MAGI2: variants seen among roughly 807,000 people sequenced by gnomAD.
The protein encoded by MAGI2 is membrane associated guanylate kinase, WW and PDZ domain containing 2, also known as membrane-associated guanylate kinase, WW and PDZ domain-containing protein 2.
In MAGI2, 35 loss-of-function variants were observed where a neutral mutation model predicts 133.3. The observed-to-expected ratio is 0.26, with a 90% CI of 0.20 to 0.35. MAGI2 has a LOEUF of 0.35. MAGI2 is among the 10% of genes least tolerant of loss of function. The pLI is 1.00. For synonymous variants in MAGI2, 729 were observed against 710.6 expected (o/e 1.03, Z -0.41); for missense variants, 1,636 against 1,863.4 (o/e 0.88, Z 2.25).
intron 1 of MAGI2, among the ~76,000 whole-genome samples, chr7:79,238,032 TG>T (rs754481827): frequency 2.0e-5 from 3 of 152,176 alleles, no homozygotes; most frequent in Non-Finnish European, 2.9e-5. Context: ...AACTAATAGG[TG>T]CTCTTGAAAT....
chr7:78,807,645 T>C (rs934196126), intron 2 of MAGI2, among the ~76,000 whole-genome samples: 3 of 152,180 alleles, frequency 2.0e-5, no homozygotes, highest in Non-Finnish European at 4.4e-5. Context: ...TCCTCATTAG[T>C]CTTATTTTTG....
intron 20 of MAGI2, among the ~76,000 whole-genome samples, chr7:78,091,026 G>A (rs1315388886): frequency 1.3e-5 from 2 of 149,352 alleles, no homozygotes; most frequent in East Asian, 1.9e-4. Flanking sequence ...TTTTAACATC[G>A]TAGTGACTGA....
chr7:78,696,897 A>G (rs1817570732), intron 2 of MAGI2, among the ~76,000 whole-genome samples: 1 of 152,204 alleles, frequency 6.6e-6, no homozygotes, highest in Admixed American at 6.5e-5. Flanking sequence ...GACATGATAC[A>G]TGGGAGAACA....
intron 2 of MAGI2, among the ~76,000 whole-genome samples, chr7:78,665,924 T>G (rs1292859599): frequency 6.6e-6 from 1 of 152,160 alleles, no homozygotes; most frequent in Non-Finnish European, 1.5e-5. Context: ...TGAGAAATAC[T>G]GACAATTAAC....
intron 6 of MAGI2, among the ~76,000 whole-genome samples, chr7:78,380,142 A>AACAC (rs3061267): frequency 4.4e-4 from 65 of 149,160 alleles, no homozygotes; most frequent in East Asian, 7.9e-4. Flanking sequence ...CTCTAGGGAC[A>AACAC]ACACACACAC....
intron 12 of MAGI2, among the ~76,000 whole-genome samples, chr7:78,187,386 TGAAAGGC>T (rs1372049361): frequency 6.6e-6 from 1 of 152,160 alleles, no homozygotes; most frequent in Non-Finnish European, 1.5e-5. Flanking sequence ...CTTACAGTTT[TGAAAGGC>T]AGAGAATAAG....
intron 6 of MAGI2, chr7:78,484,428 T>C (rs1792757280): frequency 1.3e-5 from 2 of 151,104 alleles, no homozygotes; most frequent in African/African-American, 4.9e-5. Context: ...TTTTTTTTCC[T>C]GTAGTAACAT....
At chr7:78,902,734 A>G (rs144486896) in intron 2 of MAGI2, 134 of 152,294 alleles carry the variant, frequency 8.8e-4, no homozygotes, top group African/African-American at 3.0e-3. Context: ...GTAATCAATG[A>G]CGCTTAATAT....
intron 3 of MAGI2, among the ~76,000 whole-genome samples, chr7:78,573,147 A>G (rs1398131192): frequency 2.0e-5 from 2 of 101,950 alleles, no homozygotes; most frequent in East Asian, 5.1e-4. Flanking sequence ...ACACATATAT[A>G]TATAGGCTAT....
chr7:79,010,019 C>A (rs7799032), intron 1 of MAGI2, among the ~76,000 whole-genome samples: 101,372 of 151,824 alleles, frequency 0.67, 34,041 homozygotes, highest in Non-Finnish European at 0.7. Context: ...ACAACTGTAC[C>A]TGATCCTAAA....
At chr7:78,211,751 A>G (rs1787785980) in intron 10 of MAGI2, among the ~76,000 whole-genome samples, 1 of 152,248 alleles carries the variant, frequency 6.6e-6, no homozygotes, top group South Asian at 2.1e-4. Context: ...GTGTTCAACA[A>G]TTTATTGCCA....
At chr7:78,496,734 C>T (rs968712934) in intron 5 of MAGI2, among the ~76,000 whole-genome samples, 2 of 152,074 alleles carry the variant, frequency 1.3e-5, no homozygotes, top group African/African-American at 4.8e-5. Context: ...ATAAACCAGA[C>T]ACTTTATAGG....
intron 1 of MAGI2, among the ~76,000 whole-genome samples, chr7:79,124,064 C>T (rs1403432251): frequency 2.0e-5 from 3 of 151,944 alleles, no homozygotes; most frequent in Admixed American, 2.0e-4. Flanking sequence ...ATTAACAGTA[C>T]GTTAGCATGA....
chr7:79,127,724 A>G (rs1299956595), intron 1 of MAGI2, among the ~76,000 whole-genome samples: 1 of 152,176 alleles, frequency 6.6e-6, no homozygotes, highest in African/African-American at 2.4e-5. Context: ...AGTAGGTTGC[A>G]AAAATTTTCT....
chr7:78,036,502 T>C (rs1810242314), intron 21 of MAGI2, among the ~76,000 whole-genome samples: 1 of 152,232 alleles, frequency 6.6e-6, no homozygotes, highest in Non-Finnish European at 1.5e-5. Flanking sequence ...TTAAGTTTCA[T>C]AACAAACCTA....
intron 3 of MAGI2, among the ~76,000 whole-genome samples, chr7:78,523,022 C>T (rs966558885): frequency 1.3e-5 from 2 of 152,050 alleles, no homozygotes; most frequent in Non-Finnish European, 2.9e-5. Context: ...TAGGAGAAAG[C>T]ACTGCAATGG....
At chr7:79,352,520 C>T (rs750336969) in intron 1 of MAGI2, among the ~76,000 whole-genome samples, 2 of 152,210 alleles carry the variant, frequency 1.3e-5, no homozygotes, top group Non-Finnish European at 2.9e-5. Context: ...GAAGCCCAGA[C>T]TCTGCTAAGC....
At chr7:79,102,041 G>A (rs1367288576) in intron 1 of MAGI2, among the ~76,000 whole-genome samples, 1 of 151,968 alleles carries the variant, frequency 6.6e-6, no homozygotes, top group African/African-American at 2.4e-5. Context: ...ACAGGTATAT[G>A]ACATAAATAT....
At chr7:79,350,457 A>G (rs1044852483) in intron 1 of MAGI2, among the ~76,000 whole-genome samples, 1 of 152,140 alleles carries the variant, frequency 6.6e-6, no homozygotes, top group African/African-American at 2.4e-5. Flanking sequence ...TCATATTATG[A>G]AGAAAAAAAT....
Sources: gnomAD v4.1 joint callset for allele counts (sites outside exome capture counted in the v4.1 genomes callset) on GRCh38, gnomAD v4.1.1 for gene constraint, MANE v1.5 for transcripts, NCBI Gene and HGNC (gene_info 2026-07-23, HGNC 2026-07-21) for gene names.